The following ATP8B4 variants were observed in gnomAD, a reference collection of about 807,000 sequenced individuals.
ATP8B4 encodes the protein probable phospholipid-transporting ATPase IM.
Under a neutral mutation model 145.6 loss-of-function variants are expected in ATP8B4, and 133 were observed. The observed-to-expected ratio is 0.91, with a 90% confidence interval of 0.79 to 1.05. The LOEUF is 1.05. Ranked by LOEUF, ATP8B4 falls within the 50% of genes least tolerant of loss-of-function variation. The pLI, the probability that ATP8B4 is intolerant of heterozygous loss-of-function variation, is 0.00. For missense variants in ATP8B4, 1,458 were observed against 1,425.2 expected (o/e 1.02, Z -0.37); for synonymous variants, 507 against 492.9 (o/e 1.03, Z -0.38).
rs1055050568 is a variant in ATP8B4, at chr15:49,859,418, G to A, written c.*776C>T. 6.6e-6 allele frequency: 1 copy of A among 151,856 alleles called. No homozygotes were observed. Among genetic ancestry groups the A allele is most frequent in the African/African-American group, 2.4e-5 (1 of 41,184 alleles). 9.4% of individuals were successfully genotyped at this position (151,856 alleles called of 1,614,324 possible). On this transcript the variant is annotated 3_prime_UTR_variant, in exon 28 of 28. Transcript: ENST00000284509. ...ATGATGCTCAGCAAATTACTACTGA[G>A]GTTGTTAGAAAAGCCATTGAAAAGT... is the stretch of plus-strand genomic sequence containing the variant.
chr15:49,912,745 G>A (rs1289430930), intron 20 of ATP8B4, among the ~76,000 whole-genome samples: 1 of 152,086 alleles, frequency 6.6e-6, no homozygotes, highest in Non-Finnish European at 1.5e-5. Context: ...CAATATCTCT[G>A]ATGAACATAG....
intron 3 of ATP8B4, among the ~76,000 whole-genome samples, chr15:50,071,430 G>C (rs185071325): frequency 2.6e-5 from 4 of 152,098 alleles, no homozygotes; most frequent in Non-Finnish European, 5.9e-5. Context: ...TTCCTTATAG[G>C]GTTACTACTC....
In ATP8B4 at chr15:50,074,170, A is replaced by G. The variant is rs748964142; in HGVS notation, c.44T>C (p.Val15Ala). 6.2e-6 allele frequency: 10 copies of G among 1,612,826 alleles called. No individual in the cohort carries two copies. The highest frequency in any genetic ancestry group is 6.8e-6 in the Non-Finnish European group (8 of 1,179,154). ...ATTATATTCACGGTCATTGGCTTTCACTATCCGTTCCACTTCTAAAGAGAG... is the reference window on the plus strand; with the variant it reads ...ATTATATTCACGGTCATTGGCTTTCGCTATCCGTTCCACTTCTAAAGAGAG... ...EKKLREVERI[V>A]KANDREYNEK... is the part of the protein sequence containing the mutation. The change falls in exon 3 of 28, where the codon GTG becomes GCG. Residue 15 changes from valine (V) to alanine (A), a missense_variant. Physicochemically the swap from Val to Ala is moderately conservative, Grantham distance 64. Transcript: ENST00000284509.
chr15:50,117,209 C>G (rs922393068), intron 1 of ATP8B4, among the ~76,000 whole-genome samples: 6 of 152,084 alleles, frequency 3.9e-5, no homozygotes, highest in Non-Finnish European at 8.8e-5. Context: ...ACCACCATGC[C>G]TGGTAAATTT....
chr15:50,113,967 G>T lies in ATP8B4; in HGVS notation c.-43+5156C>A, dbSNP rs138306407. Among the ~76,000 whole-genome samples, 292 of 149,554 alleles carry T rather than the reference G, an allele frequency of 2.0e-3. 2 individuals carry two copies. The highest frequency in any genetic ancestry group is 0.014 in the Middle Eastern group (4 of 288). On this transcript the variant is annotated intron_variant, in intron 1 of 27. Coordinates refer to ENST00000284509, the MANE Select transcript of ATP8B4 (RefSeq NM_024837.4). The stretch of plus-strand genomic sequence containing the variant: ...CTGTATAACATACAGCAGGTTAATT[G>T]TTGTGAGTTGTCATGTCCATACAGG...
chr15:50,139,378 T>C (rs527362423), intron 1 of ATP8B4, among the ~76,000 whole-genome samples: 9 of 150,834 alleles, frequency 6.0e-5, no homozygotes, highest in Non-Finnish European at 5.9e-5. Context: ...TAAGTGGGAG[T>C]TGAAAAAGGA....
chr15:50,080,929 T>C (rs188625351), intron 2 of ATP8B4, among the ~76,000 whole-genome samples: 7 of 152,150 alleles, frequency 4.6e-5, no homozygotes, highest in South Asian at 2.1e-4. Flanking sequence ...CTGGCTAACA[T>C]GGTGAAACCC....
At chr15:50,176,042 A>AGT (rs1202704051) in intron 1 of ATP8B4, among the ~76,000 whole-genome samples, 8 of 150,866 alleles carry the variant, frequency 5.3e-5, no homozygotes, top group Non-Finnish European at 1.0e-4. Context: ...GTATAGAGAG[A>AGT]GTGTATATAT....
chr15:50,172,931 G>A (rs1298794507), intron 1 of ATP8B4, among the ~76,000 whole-genome samples: 4 of 148,436 alleles, frequency 2.7e-5, no homozygotes, highest in African/African-American at 1.0e-4. Flanking sequence ...GGGAAGTGAG[G>A]AGCGTCTCCG....
Position 49,876,362 on chromosome 15 carries a change from A to G in ATP8B4, c.2943T>C (p.Ala981=), listed in dbSNP as rs2034420677. ...CAGCAATATGTTGCCCATCTTCTCC[A>G]GCCACGTTGTAAAAGGCCCCATAGG... ...FIPYGAFYNV[A]GEDGQHIADY... Residue 981 remains alanine (A), a synonymous_variant, in exon 25 of 28, where the codon GCT becomes GCC. Transcript: ENST00000284509. The G allele has an allele frequency of 1.9e-6, 3 of 1,614,122 alleles. No homozygotes were observed. Among genetic ancestry groups the G allele is most frequent in the East Asian group, 2.2e-5 (1 of 44,844 alleles).
chr15:49,901,289 C>G (rs1303079387), intron 20 of ATP8B4, 50 bp from the exon 21 acceptor site: 1 of 1,548,436 alleles, frequency 6.5e-7, no homozygotes, highest in East Asian at 2.3e-5. Flanking sequence ...ACAGAGCATG[C>G]CTACTAATTC....
intron 9 of ATP8B4, among the ~76,000 whole-genome samples, chr15:49,995,505 G>A (rs1345443275): frequency 6.6e-6 from 1 of 151,978 alleles, no homozygotes; most frequent in Non-Finnish European, 1.5e-5. Flanking sequence ...CAATTCGGAG[G>A]AATTTTTTTT....
intron 2 of ATP8B4, among the ~76,000 whole-genome samples, chr15:50,100,246 A>G (rs1442438275): frequency 6.6e-6 from 1 of 152,106 alleles, no homozygotes; most frequent in East Asian, 1.9e-4. Context: ...GCAGACGTGA[A>G]CTTTCTCACT....
intron 6 of ATP8B4, among the ~76,000 whole-genome samples, chr15:50,025,141 G>A (rs1442215062): frequency 1.3e-5 from 2 of 152,150 alleles, no homozygotes; most frequent in Non-Finnish European, 2.9e-5. Context: ...GATTGTCTCA[G>A]CCTCAAGTAA....
chr15:50,144,971 G>A (rs1196744299), intron 1 of ATP8B4, among the ~76,000 whole-genome samples: 4 of 152,002 alleles, frequency 2.6e-5, no homozygotes, highest in Non-Finnish European at 4.4e-5. Flanking sequence ...AAAATATTTC[G>A]TTCTTAAAGC....
chr15:49,888,923 T>G lies in ATP8B4; in HGVS notation c.2697+8369A>C, dbSNP rs751631510. On this transcript the variant is annotated intron_variant, in intron 23 of 27. Transcript: ENST00000284509. ...CAGATGATTCTACAAACAGTTCGCC[T>G]AGGGACAGGCCTGTCCCTCCCACAG... is the stretch of plus-strand genomic sequence containing the variant. Among the ~76,000 whole-genome samples the G allele has an allele frequency of 6.6e-5, 10 of 152,252 alleles. No individual in the cohort carries two copies. The East Asian group carries it at 1.7e-3, about 26-fold the overall frequency.
chr15:50,165,886 A>T (rs993350751), intron 1 of ATP8B4, among the ~76,000 whole-genome samples: 1 of 152,082 alleles, frequency 6.6e-6, no homozygotes, highest in African/African-American at 2.4e-5. Context: ...CAGATAAAAA[A>T]TTTGAAAAGA....
intron 1 of ATP8B4, among the ~76,000 whole-genome samples, chr15:50,144,055 C>T (rs890307502): frequency 6.6e-6 from 1 of 152,180 alleles, no homozygotes; most frequent in Non-Finnish European, 1.5e-5. Context: ...GCCCTGGAAG[C>T]TGAGCCAATT....
intron 7 of ATP8B4, among the ~76,000 whole-genome samples, chr15:50,005,675 T>C (rs1474018854): frequency 1.3e-5 from 2 of 152,212 alleles, no homozygotes; most frequent in Non-Finnish European, 2.9e-5. Flanking sequence ...ATAGCTTAAA[T>C]TGCAGAGCTG....
Sources: allele counts gnomAD v4.1 joint callset (sites outside exome capture counted in the v4.1 genomes callset), GRCh38; gene constraint gnomAD v4.1.1; transcripts MANE v1.5; gene names NCBI Gene and HGNC (gene_info 2026-07-23, HGNC 2026-07-21).